Variants in CD36 observed in about 807,000 individuals in gnomAD.
CD36 encodes the protein CD36 molecule (CD36 blood group).
In CD36, 119 loss-of-function variants were observed where a neutral mutation model predicts 55.2. The ratio of observed to expected loss-of-function variants is 2.15; its 90% CI spans 1.86 to 2.51. CD36 has a LOEUF of 2.51. Ranked by LOEUF, CD36 falls within the 30% of genes most tolerant of loss-of-function variation. The pLI is 0.00. For missense variants in CD36, 819 were observed against 555.5 expected (o/e 1.47, Z -4.77); for synonymous variants, 186 against 193.6 (o/e 0.96, Z 0.33).
chr7:80,609,671 A>G (rs1792765589), intron 1 of CD36, among the ~76,000 whole-genome samples: 1 of 152,218 alleles, frequency 6.6e-6, no homozygotes, highest in South Asian at 2.1e-4. Context: ...TTGCCAATGT[A>G]ATTGGGGGGA....
chr7:80,642,815 G>A (rs1346250074), intron 1 of CD36, among the ~76,000 whole-genome samples: 1 of 152,118 alleles, frequency 6.6e-6, no homozygotes, highest in Non-Finnish European at 1.5e-5. Context: ...TTGAAGTTTT[G>A]TTAGATTAAT....
chr7:80,667,002 A>G (rs1390958620), intron 8 of CD36, among the ~76,000 whole-genome samples: 3 of 152,200 alleles, frequency 2.0e-5, no homozygotes, highest in Non-Finnish European at 4.4e-5. Flanking sequence ...ATGTCTTCTT[A>G]ACTGTGAAAA....
intron 4 of CD36, among the ~76,000 whole-genome samples, chr7:80,657,261 C>T (rs1259457662): frequency 6.6e-6 from 1 of 151,978 alleles, no homozygotes; most frequent in Non-Finnish European, 1.5e-5. Context: ...TTTTACAAAT[C>T]CTGGGTGATT....
rs369183808 is a variant in CD36, at chr7:80,671,116, A to G, written c.958A>G (p.Lys320Glu). The G allele has an allele frequency of 1.3e-5, 21 of 1,613,342 alleles. No individual in the cohort carries two copies. The highest frequency in any genetic ancestry group is 9.3e-5 in the African/African-American group (7 of 74,898). Residue 320 changes from lysine (K) to glutamate (E), a missense_variant, in exon 10 of 15, where the codon AAA (lysine) becomes GAA (glutamate). Transcript: ENST00000447544. ...YCFCTEKIISKNCTSYGVLDI... is the reference protein window; with the variant it reads ...YCFCTEKIISENCTSYGVLDI... ...TTTCTGCACAGAAAAAATTATCTCA[A>G]AAAATTGTACATCATATGGTGTGCT...
At chr7:80,670,675 A>C (rs1310872082) in intron 9 of CD36, 1 of 376,986 alleles carries the variant, frequency 2.7e-6, no homozygotes, top group Non-Finnish European at 4.9e-6. Flanking sequence ...TATTTCATTT[A>C]AACTGATCAC....
At chr7:80,609,235 A>G (rs1275278909) in intron 1 of CD36, among the ~76,000 whole-genome samples, 1 of 152,188 alleles carries the variant, frequency 6.6e-6, no homozygotes. Flanking sequence ...TGTTCTTCCA[A>G]AACTCATACA....
upstream of CD36, among the ~76,000 whole-genome samples, chr7:80,633,936 A>C (rs1374067016): frequency 6.6e-6 from 1 of 151,932 alleles, no homozygotes; most frequent in African/African-American, 2.4e-5. Flanking sequence ...TTCACTGTTC[A>C]TTTTCTATTG....
intron 1 of CD36, among the ~76,000 whole-genome samples, chr7:80,627,947 T>A (rs1044799308): frequency 6.6e-6 from 1 of 152,110 alleles, no homozygotes; most frequent in South Asian, 2.1e-4. Flanking sequence ...TTTTCTAATG[T>A]GGAATAATCA....
chr7:80,647,403 T>C (rs577231543), intron 3 of CD36, among the ~76,000 whole-genome samples: 2 of 152,272 alleles, frequency 1.3e-5, no homozygotes, highest in Non-Finnish European at 1.5e-5. Flanking sequence ...CATAAATATT[T>C]TCTATTTGTG....
At chr7:80,661,285 T>G in intron 5 of CD36, 75 bp downstream of exon 5, 1 of 1,378,450 alleles carries the variant, frequency 7.3e-7, no homozygotes, top group Non-Finnish European at 1.0e-6. Flanking sequence ...TCATTAGAAT[T>G]ATTAGGTTTT....
chr7:80,615,465 ATGT>A (rs1169330326), intron 1 of CD36, among the ~76,000 whole-genome samples: 2 of 152,130 alleles, frequency 1.3e-5, no homozygotes, highest in African/African-American at 4.8e-5. Flanking sequence ...GAATTTATGC[ATGT>A]TGTTCTTTCT....
chr7:80,640,735 C>T (rs1794752396), intron 1 of CD36, among the ~76,000 whole-genome samples: 1 of 151,886 alleles, frequency 6.6e-6, no homozygotes, highest in Non-Finnish European at 1.5e-5. Context: ...TACAGTAATC[C>T]CTGGTTCATA....
upstream of CD36, among the ~76,000 whole-genome samples, chr7:80,636,505 C>T (rs1017356848): frequency 2.1e-5 from 3 of 139,646 alleles, no homozygotes; most frequent in African/African-American, 8.0e-5. Context: ...TACATCCTTC[C>T]AATTTCTAAC....
Position 80,621,721 on chromosome 7 carries a change from C to T in CD36, c.-184+19342C>T, listed in dbSNP as rs1164540229. Among the ~76,000 whole-genome samples the T allele has an allele frequency of 2.0e-5, 3 of 152,102 alleles. No homozygotes were observed. In the East Asian group the frequency reaches 5.8e-4, roughly 29 times the overall value. On this transcript the variant is annotated intron_variant, in intron 1 of 13. Transcript: ENST00000309881. ...CATACTAGTAACAGGCCACTAGTAA[C>T]AGTGTATGGAAATGAAAAAGAGGTA...
chr7:80,653,821 G>A (rs954849525), intron 3 of CD36, among the ~76,000 whole-genome samples: 1 of 152,138 alleles, frequency 6.6e-6, no homozygotes, highest in African/African-American at 2.4e-5. Flanking sequence ...GGTAGCGTCA[G>A]AAGCATATTA....
rs1473779979 is a variant in CD36 at position 80,664,309 on chromosome 7, G to A, written c.610-97G>A. The stretch of plus-strand genomic sequence containing the variant: ...TGCAGATGTATTTCAAGTCATTTGA[G>A]TAACCAGTGATTGAGAAATGTGAAA... On this transcript the variant is annotated intron_variant, in intron 6 of 14. Transcript: ENST00000447544. 3 of 751,458 alleles carry A rather than the reference G, an allele frequency of 4.0e-6. No homozygotes were observed. The East Asian group carries it at 7.5e-5, about 19-fold the overall frequency. 46.5% of individuals were successfully genotyped at this position (751,458 alleles called of 1,614,324 possible). A position where few individuals can be genotyped will look rare whatever the true frequency, so the allele number is the denominator to read the frequency against.
chr7:80,666,387 T>TAAGA lies in CD36; in HGVS notation c.702-52_702-49dup. ...TTGAATTATAATAGAAAAAGTAATG[T>TAAGA]AAGAAAGGTATTCTTTAAATAAGAA... On this transcript the variant is annotated intron_variant, in intron 7 of 14. Coordinates refer to ENST00000447544, the MANE Select transcript of CD36 (RefSeq NM_001001548.3). The TAAGA allele has an allele frequency of 5.3e-6, 6 of 1,137,914 alleles. No individual in the cohort carries two copies. The South Asian group carries it at 7.4e-5, about 14-fold the overall frequency. The allele number at this position is 1,137,914 out of a possible 1,614,324, so 70.5% of individuals were successfully genotyped here. A position where few individuals can be genotyped will look rare whatever the true frequency, so the allele number is the denominator to read the frequency against.
At chr7:80,603,642 TGTAAA>T (rs2115663890) in intron 1 of CD36, among the ~76,000 whole-genome samples, 1 of 152,220 alleles carries the variant, frequency 6.6e-6, no homozygotes, top group Non-Finnish European at 1.5e-5. Flanking sequence ...CTGATACTTT[TGTAAA>T]GGATAATGAT....
chr7:80,631,980 A>G (rs141357948), intron 1 of CD36, among the ~76,000 whole-genome samples: 1 of 151,932 alleles, frequency 6.6e-6, no homozygotes, highest in African/African-American at 2.4e-5. Context: ...AATATGTGTC[A>G]AGTTATTGCA....
Sources: allele counts gnomAD v4.1 joint callset (sites outside exome capture counted in the v4.1 genomes callset), GRCh38; gene constraint gnomAD v4.1.1; transcripts MANE v1.5; gene names NCBI Gene and HGNC (gene_info 2026-07-23, HGNC 2026-07-21).